WWOX: variants seen among roughly 807,000 people sequenced by gnomAD.
WWOX encodes WW domain-containing oxidoreductase.
In WWOX, 69 loss-of-function variants were observed where a neutral mutation model predicts 46.2. The observed-to-expected ratio is 1.49, with a 90% CI of 1.23 to 1.82. The LOEUF is 1.82. WWOX is among the 40% of genes most tolerant of loss of function. The pLI, the probability that WWOX is intolerant of heterozygous loss-of-function variation, is 0.00. For synonymous variants in WWOX, 359 were observed against 202.6 expected (o/e 1.77, Z -6.56); for missense variants, 919 against 542.6 (o/e 1.69, Z -6.89).
At chr16:79,175,136 A>T (rs976585012) in intron 8 of WWOX, among the ~76,000 whole-genome samples, 3 of 152,146 alleles carry the variant, frequency 2.0e-5, no homozygotes, top group African/African-American at 4.8e-5. Flanking sequence ...TCTAGCTATG[A>T]CCCCATAAAA....
Position 78,557,689 on chromosome 16 carries a change from A to ATTTTTTTTTTTTTTTTTT in WWOX, c.1056+124943_1056+124960dup, listed in dbSNP as rs34068363. On this transcript the variant is annotated intron_variant, in intron 8 of 8. Coordinates refer to ENST00000566780, the MANE Select transcript of WWOX (RefSeq NM_016373.4). Reference sequence around the variant, plus strand: ...CATAAGTGCATTCCTCTAGGGAAGGATTTTTTTTTTTTTTTTTTTTTTTGA... The same window carrying ATTTTTTTTTTTTTTTTTT: ...CATAAGTGCATTCCTCTAGGGAAGGATTTTTTTTTTTTTTTTTTTTTTTTTTTTTTTTTTTTTTTTTGA... Among the ~76,000 whole-genome samples, 52 of 96,622 alleles carry ATTTTTTTTTTTTTTTTTT rather than the reference A, an allele frequency of 5.4e-4. 7 individuals are homozygous for ATTTTTTTTTTTTTTTTTT. The highest frequency in any genetic ancestry group is 2.3e-3 in the East Asian group (8 of 3,554). 63.4% of individuals were successfully genotyped at this position (96,622 alleles called of 152,430 possible). A position where few individuals can be genotyped will look rare whatever the true frequency, so the allele number is the denominator to read the frequency against.
intron 5 of WWOX, among the ~76,000 whole-genome samples, chr16:78,227,403 A>T (rs1307571207): frequency 6.6e-6 from 1 of 152,186 alleles, no homozygotes; most frequent in African/African-American, 2.4e-5. Flanking sequence ...ACACATGGGG[A>T]CCGAGGGAAT....
chr16:78,184,583 T>A (rs2035637939), intron 5 of WWOX, among the ~76,000 whole-genome samples: 1 of 152,142 alleles, frequency 6.6e-6, no homozygotes, highest in South Asian at 2.1e-4. Context: ...ACTATAAACA[T>A]ATGGCATGAA....
At chr16:78,767,604 C>A (rs757887380) in intron 8 of WWOX, among the ~76,000 whole-genome samples, 10 of 152,064 alleles carry the variant, frequency 6.6e-5, no homozygotes, top group African/African-American at 2.2e-4. Flanking sequence ...ATTGCTGCGT[C>A]GTTTCGTATC....
At position 79,070,268 on chromosome 16, in the gene WWOX, A is replaced by ATGTGTGTGTG. The variant is rs4035490; in HGVS notation, c.1057-141310_1057-141301dup. On this transcript the variant is annotated intron_variant, in intron 8 of 8. Transcript: ENST00000566780. ...GTTTGTTCTTAGGAATGTGTTTCTG[A>ATGTGTGTGTG]TGTGTGTGTGTGTGTGTGTGTGTGT... Among the ~76,000 whole-genome samples, 1,012 of 145,178 alleles carry ATGTGTGTGTG rather than the reference A, an allele frequency of 7.0e-3. 10 individuals carry two copies. Among genetic ancestry groups the ATGTGTGTGTG allele is most frequent in the South Asian group, 0.058 (255 of 4,374 alleles).
intron 4 of WWOX, chr16:78,119,137 A>G (rs2032964136): frequency 6.6e-6 from 1 of 152,154 alleles, no homozygotes; most frequent in African/African-American, 2.4e-5. Flanking sequence ...GGAGGAATTC[A>G]TTTCTGTTTG....
rs544119506 is a variant in WWOX at position 78,727,324 on chromosome 16, G to A, written c.1056+294572G>A. ...TGAGGCAGGAGAATCACTTCAACCCGGAAGGCGGAGGTTTCAGTGAGCTGA... is the reference window on the plus strand; with the variant it reads ...TGAGGCAGGAGAATCACTTCAACCCAGAAGGCGGAGGTTTCAGTGAGCTGA... On this transcript the variant is annotated intron_variant, in intron 8 of 8. Coordinates refer to ENST00000566780, the MANE Select transcript of WWOX (RefSeq NM_016373.4). Among the ~76,000 whole-genome samples, 31 of 152,290 alleles carry A rather than the reference G, an allele frequency of 2.0e-4. No homozygotes were observed. In the East Asian group the frequency reaches 4.6e-3, roughly 23 times the overall value.
At chr16:78,395,994 T>G (rs930757417) in intron 6 of WWOX, among the ~76,000 whole-genome samples, 1 of 152,168 alleles carries the variant, frequency 6.6e-6, no homozygotes, top group African/African-American at 2.4e-5. Context: ...CTGCAAATAC[T>G]AGGAATCCTT....
At chr16:78,656,622 G>C (rs1287056254) in intron 8 of WWOX, among the ~76,000 whole-genome samples, 1 of 152,086 alleles carries the variant, frequency 6.6e-6, no homozygotes, top group African/African-American at 2.4e-5. Context: ...TCAGCCCTCT[G>C]ATCCAACCAC....
chr16:78,668,671 C>G (rs1400693432), intron 8 of WWOX, among the ~76,000 whole-genome samples: 2 of 152,126 alleles, frequency 1.3e-5, no homozygotes, highest in Non-Finnish European at 2.9e-5. Context: ...AGCTTTACCC[C>G]TGAGAAGAGC....
chr16:78,761,271 C>T (rs567484453), intron 8 of WWOX, among the ~76,000 whole-genome samples: 39 of 152,284 alleles, frequency 2.6e-4, no homozygotes, highest in African/African-American at 8.2e-4. Context: ...TCAGAAAGCA[C>T]GGCCTCCAAG....
At chr16:78,141,389 A>G (rs1239503570) in intron 4 of WWOX, among the ~76,000 whole-genome samples, 1 of 151,758 alleles carries the variant, frequency 6.6e-6, no homozygotes, top group Non-Finnish European at 1.5e-5. Flanking sequence ...CTTAAATAAA[A>G]AGATTCTAGA....
chr16:78,904,802 C>T (rs1440030580), intron 8 of WWOX, among the ~76,000 whole-genome samples: 10 of 152,126 alleles, frequency 6.6e-5, no homozygotes, highest in Non-Finnish European at 8.8e-5. Context: ...TTTTTATCAA[C>T]ACTTAGTTCT....
rs201235660 is a variant in WWOX at position 78,296,651 on chromosome 16, T to TA, written c.517-90200dup. ...ATGAAAGTTTTGTAATGCAAAAAAA[T>TA]AAAAAAAAATCAACATTTGCAAGCT... On this transcript the variant is annotated intron_variant, in intron 5 of 8. Transcript: ENST00000566780. 4.6e-3 allele frequency among the ~76,000 whole-genome samples: 690 copies of TA among 151,312 alleles called. 7 individuals carry two copies. The highest frequency in any genetic ancestry group is 0.015 in the African/African-American group (615 of 41,298).
At chr16:78,586,186 GTTTCTT>G in intron 8 of WWOX, among the ~76,000 whole-genome samples, 2 of 152,176 alleles carry the variant, frequency 1.3e-5, no homozygotes, top group South Asian at 4.2e-4. Context: ...GCGAGACCCT[GTTTCTT>G]AAGAAAAAAG....
Position 78,780,981 on chromosome 16 carries a change from A to C in WWOX, c.1056+348229A>C, listed in dbSNP as rs553401966. 7.2e-5 allele frequency among the ~76,000 whole-genome samples: 11 copies of C among 152,326 alleles called. No homozygotes were observed. The South Asian group carries it at 1.5e-3, about 20-fold the overall frequency. On this transcript the variant is annotated intron_variant, in intron 8 of 8. Coordinates refer to ENST00000566780, the MANE Select transcript of WWOX (RefSeq NM_016373.4). Reference sequence around the variant, plus strand: ...GACTGTCACCTTGGGGCCAGCCTGCAGACTGGTGTGGCCGAAGGAGTGCCG... The same window carrying C: ...GACTGTCACCTTGGGGCCAGCCTGCCGACTGGTGTGGCCGAAGGAGTGCCG...
At chr16:78,523,978 T>C (rs1173440281) in intron 8 of WWOX, among the ~76,000 whole-genome samples, 1 of 152,236 alleles carries the variant, frequency 6.6e-6, no homozygotes, top group Non-Finnish European at 1.5e-5. Flanking sequence ...TAACATGTGC[T>C]ACTATACAAA....
intron 8 of WWOX, among the ~76,000 whole-genome samples, chr16:79,080,952 G>A (rs1425028965): frequency 6.6e-6 from 1 of 152,156 alleles, no homozygotes; most frequent in Non-Finnish European, 1.5e-5. Flanking sequence ...TTCTTCTAGT[G>A]TAGTTAGATA....
At chr16:78,505,600 A>AGCCT (rs1423490068) in intron 8 of WWOX, among the ~76,000 whole-genome samples, 3 of 152,164 alleles carry the variant, frequency 2.0e-5, no homozygotes, top group Non-Finnish European at 2.9e-5. Flanking sequence ...GGGGCCAGCC[A>AGCCT]GCCTCACCAA....
Sources: allele counts gnomAD v4.1 joint callset (sites outside exome capture counted in the v4.1 genomes callset), GRCh38; gene constraint gnomAD v4.1.1; transcripts MANE v1.5; gene names NCBI Gene and HGNC (gene_info 2026-07-23, HGNC 2026-07-21).